Variants in PTCD2 observed in about 807,000 individuals in gnomAD.
PTCD2 encodes pentatricopeptide repeat-containing protein 2, mitochondrial.
Under a neutral mutation model 42.6 loss-of-function variants are expected in PTCD2, and 31 were observed. The ratio of observed to expected loss-of-function variants is 0.73; its 90% CI spans 0.55 to 0.98. PTCD2 has a LOEUF of 0.98. Ranked by LOEUF, PTCD2 falls within the 50% of genes least tolerant of loss-of-function variation. The pLI is 0.00. For missense variants in PTCD2, 476 were observed against 454.8 expected (o/e 1.05, Z -0.42); for synonymous variants, 183 against 170.9 (o/e 1.07, Z -0.55).
At chr5:72,355,630 TCA>T (rs1023646884) in intron 9 of PTCD2, among the ~76,000 whole-genome samples, 1 of 152,188 alleles carries the variant, frequency 6.6e-6, no homozygotes, top group African/African-American at 2.4e-5. Flanking sequence ...AACCCATGTG[TCA>T]CATTGATGGC....
chr5:72,325,151 G>A (rs1469454375), intron 2 of PTCD2, among the ~76,000 whole-genome samples: 2 of 152,088 alleles, frequency 1.3e-5, no homozygotes, highest in Non-Finnish European at 2.9e-5. Context: ...TCAAACTACT[G>A]ACCTCAAGTG....
At chr5:72,320,567 G>C in intron 1 of PTCD2, 58 bp downstream of exon 1, 1 of 1,605,384 alleles carries the variant, frequency 6.2e-7, no homozygotes, top group Non-Finnish European at 8.5e-7. Context: ...GGGAGTGTTA[G>C]ATCCCAGCTA....
chr5:72,352,576 G>A, intron 8 of PTCD2, 65 bp from the exon 9 acceptor site: 1 of 758,960 alleles, frequency 1.3e-6, no homozygotes. Context: ...ATCTAACCAG[G>A]TACATTTCTC....
chr5:72,322,047 A>G, intron 1 of PTCD2, 125 bp from the exon 2 acceptor site: 2 of 591,842 alleles, frequency 3.4e-6, no homozygotes, highest in Non-Finnish European at 6.1e-6. Context: ...TTGTACAGTT[A>G]TATTTGTACC....
intron 7 of PTCD2, among the ~76,000 whole-genome samples, chr5:72,341,047 C>G (rs983935086): frequency 8.6e-5 from 13 of 151,664 alleles, no homozygotes; most frequent in Non-Finnish European, 1.9e-4. Flanking sequence ...TCACTGCAAC[C>G]TCCGCCTCCT....
intron 5 of PTCD2, 45 bp downstream of exon 5, chr5:72,335,141 G>T (rs1452548350): frequency 1.8e-6 from 2 of 1,101,798 alleles, no homozygotes; most frequent in East Asian, 4.8e-5. Context: ...TGCCATGTTT[G>T]CTGGCATAGG....
intron 2 of PTCD2, among the ~76,000 whole-genome samples, chr5:72,324,434 C>G (rs1315219732): frequency 1.3e-5 from 2 of 152,236 alleles, no homozygotes; most frequent in East Asian, 1.9e-4. Context: ...TCTGGTTGAT[C>G]TAGTCACAGC....
At chr5:72,324,534 C>A (rs1243744994) in intron 2 of PTCD2, among the ~76,000 whole-genome samples, 1 of 152,192 alleles carries the variant, frequency 6.6e-6, no homozygotes, top group East Asian at 1.9e-4. Context: ...ATTTCTCCAA[C>A]CTGATTTCAG....
At chr5:72,330,099 A>AT (rs767099502) in intron 3 of PTCD2, among the ~76,000 whole-genome samples, 455 of 141,826 alleles carry the variant, frequency 3.2e-3, no homozygotes, top group Non-Finnish European at 5.2e-3. Context: ...CGCCCGGCTA[A>AT]TTTTTTTTTT....
chr5:72,367,023 A>T lies in PTCD2; in HGVS notation c.*8596A>T, dbSNP rs1195923675. 2.0e-5 allele frequency: 3 copies of T among 152,242 alleles called. No individual in the cohort carries two copies. 9.4% of individuals were successfully genotyped at this position (152,242 alleles called of 1,614,324 possible). ...TTGTGTGTGAAAGAAGTAAAAAGGA[A>T]TTAGGATCTTGGTTATTTTGATTGT... On this transcript the variant is annotated 3_prime_UTR_variant, in exon 10 of 10. Coordinates refer to ENST00000380639, the MANE Select transcript of PTCD2 (RefSeq NM_024754.5).
Position 72,366,256 on chromosome 5 carries a change from T to G in PTCD2, c.*7829T>G, listed in dbSNP as rs1055847302. 1 of 152,148 alleles carries G rather than the reference T, an allele frequency of 6.6e-6. No homozygotes were observed. Among genetic ancestry groups the G allele is most frequent in the African/African-American group, 2.4e-5 (1 of 41,432 alleles). The allele number at this position is 152,148 out of a possible 1,614,324, so 9.4% of individuals were successfully genotyped here. On this transcript the variant is annotated 3_prime_UTR_variant, in exon 10 of 10. Transcript: ENST00000380639. ...ATAATAAGACTTACCATTTGCCAGG[T>G]CCTGTGCAAAGCACTTTATCTCATT... is the stretch of plus-strand genomic sequence containing the variant.
rs7719263 is a variant in PTCD2 at position 72,329,757 on chromosome 5, G to A, written c.351-1501G>A. Among the ~76,000 whole-genome samples the A allele has an allele frequency of 5.4e-4, 82 of 152,208 alleles. 1 individual carries two copies. The highest frequency in any genetic ancestry group is 1.9e-3 in the African/African-American group (77 of 41,538). Reference sequence around the variant, plus strand: ...CTTCTTCCTTCCATTTTACAGATGAGGAGACGGAAGCACAGAGTAGTTAAT... The same window carrying A: ...CTTCTTCCTTCCATTTTACAGATGAAGAGACGGAAGCACAGAGTAGTTAAT... On this transcript the variant is annotated intron_variant, in intron 3 of 9. Transcript: ENST00000380639.
chr5:72,350,626 G>A (rs781579951), intron 8 of PTCD2, among the ~76,000 whole-genome samples: 2 of 152,192 alleles, frequency 1.3e-5, no homozygotes, highest in African/African-American at 2.4e-5. Flanking sequence ...GGGTGTGCTC[G>A]TGATTTTGCC....
chr5:72,333,463 G>C (rs1392648712), intron 4 of PTCD2, among the ~76,000 whole-genome samples: 1 of 152,058 alleles, frequency 6.6e-6, no homozygotes, highest in African/African-American at 2.4e-5. Flanking sequence ...TTTTGAGCAG[G>C]GTGTATATCC....
chr5:72,340,046 AT>A lies in PTCD2; in HGVS notation c.753+1312del, dbSNP rs143789539. On this transcript the variant is annotated intron_variant, in intron 7 of 9. Transcript: ENST00000380639. ...TATAATATGATGCTAATCTTTTAAT[AT>A]AATCCATTTGTATTAATGTGACATA... Among the ~76,000 whole-genome samples the A allele has an allele frequency of 2.4e-4, 37 of 152,268 alleles. No homozygotes were observed. The East Asian group carries it at 6.2e-3, about 25-fold the overall frequency.
chr5:72,324,059 T>C (rs1328975075), intron 2 of PTCD2, among the ~76,000 whole-genome samples: 1 of 152,294 alleles, frequency 6.6e-6, no homozygotes, highest in East Asian at 1.9e-4. Flanking sequence ...ACCTTTGGAA[T>C]GGGGGGAATA....
intron 3 of PTCD2, among the ~76,000 whole-genome samples, chr5:72,329,917 T>C (rs1045383493): frequency 6.6e-6 from 1 of 151,462 alleles, no homozygotes; most frequent in Non-Finnish European, 1.5e-5. Flanking sequence ...AATGAAGCAA[T>C]GAATATTATT....
intron 9 of PTCD2, among the ~76,000 whole-genome samples, chr5:72,354,428 A>C (rs73102456): frequency 7.0e-6 from 1 of 143,000 alleles, no homozygotes; most frequent in Admixed American, 6.9e-5. Flanking sequence ...GAAAATTCTG[A>C]GAAAAGAACC....
chr5:72,337,302 A>G (rs563646441), intron 6 of PTCD2, among the ~76,000 whole-genome samples: 1 of 152,004 alleles, frequency 6.6e-6, no homozygotes, highest in Non-Finnish European at 1.5e-5. Context: ...TGTAGGCTAC[A>G]TTTAGCCCAA....
Sources: allele counts gnomAD v4.1 joint callset (sites outside exome capture counted in the v4.1 genomes callset), GRCh38; gene constraint gnomAD v4.1.1; transcripts MANE v1.5; gene names NCBI Gene and HGNC (gene_info 2026-07-23, HGNC 2026-07-21).